Variants in DNAH11 observed in about 807,000 individuals in gnomAD.
DNAH11 encodes dynein axonemal heavy chain 11.
In DNAH11, 442 loss-of-function variants were observed where a neutral mutation model predicts 526.0. The ratio of observed to expected loss-of-function variants is 0.84; its 90% confidence interval spans 0.78 to 0.91. The LOEUF (loss-of-function observed/expected upper bound fraction) is 0.91. Among genes scored for constraint, DNAH11 ranks in the 40% least tolerant of loss-of-function variants. The probability of loss-of-function intolerance (pLI) is 0.00; values close to 1 mark genes in which losing one functional copy is unlikely to be tolerated. For missense variants in DNAH11, 6,989 were observed against 5,448.7 expected, an observed-to-expected ratio of 1.28 and a Z score of -8.90; for synonymous variants, 2,461 against 1,935.9, an observed-to-expected ratio of 1.27 and a Z score of -7.12.
chr7:21,762,663 T>C (rs1358331061), intron 54 of DNAH11, among the ~76,000 whole-genome samples: 1 of 152,136 alleles, frequency 6.6e-6, no homozygotes, highest in Non-Finnish European at 1.5e-5. Context: ...AATGAAAAAA[T>C]GATTACTCAG....
chr7:21,750,480 G>C (rs150954875), intron 54 of DNAH11, 116 bp downstream of exon 54: 2 of 1,387,832 alleles, frequency 1.4e-6, no homozygotes, highest in African/African-American at 1.5e-5. Context: ...TTGAAAGGAC[G>C]TGTGCATTTT....
At position 21,854,566 on chromosome 7, in the gene DNAH11, TTGAGACAGAGTCTCACTC is replaced by T. The variant is rs1192038533; in HGVS notation, c.11202+114_11202+131del. 1.1e-5 allele frequency: 13 copies of T among 1,170,778 alleles called. No homozygotes were observed. In the African/African-American group the frequency reaches 1.9e-4, roughly 17 times the overall value. The allele number at this position is 1,170,778 out of a possible 1,614,324, so 72.5% of individuals were successfully genotyped here. A position where few individuals can be genotyped will look rare whatever the true frequency, so the allele number is the denominator to read the frequency against. On this transcript the variant is annotated intron_variant, in intron 68 of 81. Coordinates refer to ENST00000409508, the MANE Select transcript of DNAH11 (RefSeq NM_001277115.2). ...ATAATAATAACTATTATTACTATTA[TTGAGACAGAGTCTCACTC>T]TGTAGCCCAGGCTGGAGTGCAGTGG... is the stretch of plus-strand genomic sequence containing the variant.
In DNAH11 at chr7:21,702,637, A is replaced by G. The variant is rs562321837; in HGVS notation, c.6181-73A>G. On this transcript the variant is annotated intron_variant, in intron 36 of 81. Transcript: ENST00000409508. ...TCTGAACTCCTTCTTAAAAACTTTC[A>G]GCTCTTACCTCTGGAATGAGAATCT... 1.1e-4 allele frequency: 138 copies of G among 1,306,806 alleles called. 2 individuals are homozygous for G. In the South Asian group the frequency reaches 1.5e-3, roughly 15 times the overall value. 81.0% of individuals were successfully genotyped at this position (1,306,806 alleles called of 1,614,324 possible). A position where few individuals can be genotyped will look rare whatever the true frequency, so the allele number is the denominator to read the frequency against.
chr7:21,640,714 C>A (rs1284966541), intron 28 of DNAH11, among the ~76,000 whole-genome samples: 1 of 152,090 alleles, frequency 6.6e-6, no homozygotes, highest in Non-Finnish European at 1.5e-5. Flanking sequence ...CCTGGTCCCC[C>A]TTTCTTATTA....
In DNAH11 at chr7:21,591,238, G is replaced by A. The variant is rs372387032; in HGVS notation, c.2328G>A (p.Thr776=). The change falls in exon 14 of 82, where the codon ACG becomes ACA. Residue 776 remains threonine, a synonymous_variant. Coordinates refer to ENST00000409508, the MANE Select transcript of DNAH11 (RefSeq NM_001277115.2). The part of the protein sequence containing the change: ...LVQGYNKLKQ[T]LLEVEYPLIE... ...AAGGGTATAATAAACTCAAACAGAC[G>A]CTCCTGGAAGTTGAATACCCTCTGA... The A allele has an allele frequency of 3.1e-5, 49 of 1,585,370 alleles. No individual in the cohort carries two copies. The highest frequency in any genetic ancestry group is 4.1e-5 in the African/African-American group (3 of 73,412).
intron 28 of DNAH11, among the ~76,000 whole-genome samples, chr7:21,643,145 C>T (rs1313186095): frequency 6.6e-6 from 1 of 152,112 alleles, no homozygotes; most frequent in Non-Finnish European, 1.5e-5. Flanking sequence ...GGCCTGAAGT[C>T]CTTATGGGAT....
intron 44 of DNAH11, among the ~76,000 whole-genome samples, chr7:21,722,624 A>C (rs1347616374): frequency 6.6e-6 from 1 of 152,190 alleles, no homozygotes; most frequent in Non-Finnish European, 1.5e-5. Flanking sequence ...TATTTCAGCC[A>C]TTCTCAGAAG....
In DNAH11 at chr7:21,864,674, G is replaced by A. The variant is rs1350745429; in HGVS notation, c.11496+17G>A. 6.4e-7 allele frequency: 1 copy of A among 1,557,902 alleles called. No individual in the cohort carries two copies. The highest frequency in any genetic ancestry group is 2.0e-5 in the Admixed American group (1 of 50,120). On this transcript the variant is annotated intron_variant, in intron 70 of 81. Transcript: ENST00000409508. Reference sequence around the variant, plus strand: ...GCTATCAAGGTATGTTAGGAATACAGTTTCTCAAATTCTGGATCTTATTTA... The same window carrying A: ...GCTATCAAGGTATGTTAGGAATACAATTTCTCAAATTCTGGATCTTATTTA...
chr7:21,762,812 A>G (rs988074477), intron 54 of DNAH11, among the ~76,000 whole-genome samples: 5 of 152,204 alleles, frequency 3.3e-5, no homozygotes, highest in African/African-American at 9.6e-5. Context: ...CATCTTGGCA[A>G]TGATTTCTTT....
intron 61 of DNAH11, among the ~76,000 whole-genome samples, chr7:21,790,037 T>C (rs2127988897): frequency 6.6e-6 from 1 of 151,762 alleles, no homozygotes. Flanking sequence ...AAGCCTGTCA[T>C]TCATTAGCTA....
At chr7:21,672,146 G>A (rs144787229) in intron 30 of DNAH11, among the ~76,000 whole-genome samples, 4 of 152,134 alleles carry the variant, frequency 2.6e-5, no homozygotes, top group Non-Finnish European at 4.4e-5. Context: ...AGAGGTCCTC[G>A]TTGCTGTTAT....
intron 30 of DNAH11, among the ~76,000 whole-genome samples, chr7:21,672,382 C>T (rs1421930599): frequency 6.6e-6 from 1 of 152,168 alleles, no homozygotes; most frequent in East Asian, 1.9e-4. Flanking sequence ...AACTTACGGG[C>T]TCAAACAGTC....
chr7:21,712,004 G>A, intron 42 of DNAH11, 144 bp downstream of exon 42: 2 of 1,009,834 alleles, frequency 2.0e-6, no homozygotes, highest in South Asian at 3.3e-5. Context: ...TTCCCAAAGT[G>A]ACACTCTTTA....
At chr7:21,872,789 CCTTTT>C (rs1169682241) in intron 73 of DNAH11, among the ~76,000 whole-genome samples, 1 of 152,166 alleles carries the variant, frequency 6.6e-6, no homozygotes, top group African/African-American at 2.4e-5. Flanking sequence ...TCCCTTATTT[CCTTTT>C]GAGTTCATAT....
intron 25 of DNAH11, among the ~76,000 whole-genome samples, chr7:21,633,644 G>A (rs910328596): frequency 1.3e-5 from 2 of 152,102 alleles, no homozygotes; most frequent in Non-Finnish European, 2.9e-5. Context: ...GTGATCCAAA[G>A]TTATGAACAC....
At chr7:21,879,533 A>G (rs1010428207) in intron 74 of DNAH11, among the ~76,000 whole-genome samples, 4 of 152,176 alleles carry the variant, frequency 2.6e-5, no homozygotes, top group African/African-American at 9.7e-5. Context: ...AGTCATCCCA[A>G]CAATGAATTT....
At chr7:21,818,479 A>G in intron 65 of DNAH11, 140 bp downstream of exon 65, 3 of 789,930 alleles carry the variant, frequency 3.8e-6, no homozygotes, top group South Asian at 4.0e-5. Flanking sequence ...ACACTCCAAG[A>G]CCAAAGCAAC....
chr7:21,553,148 A>T (rs7786322), intron 2 of DNAH11, among the ~76,000 whole-genome samples: 32,779 of 137,616 alleles, frequency 0.24, 3,825 homozygotes, highest in African/African-American at 0.28. Flanking sequence ...GTGATTTTTA[A>T]CCCTCCCCTG....
intron 54 of DNAH11, among the ~76,000 whole-genome samples, chr7:21,753,471 C>A (rs1786499311): frequency 6.6e-6 from 1 of 152,182 alleles, no homozygotes; most frequent in African/African-American, 2.4e-5. Context: ...CTTTCATGCT[C>A]TTTAAAACTT....
Sources: allele counts gnomAD v4.1 joint callset (sites outside exome capture counted in the v4.1 genomes callset), GRCh38; gene constraint gnomAD v4.1.1; transcripts MANE v1.5; gene names NCBI Gene and HGNC (gene_info 2026-07-23, HGNC 2026-07-21).